The following P3H2 variants were observed in gnomAD, a reference collection of about 807,000 sequenced individuals.
The protein encoded by P3H2 is prolyl 3-hydroxylase 2.
Under a neutral mutation model 87.0 loss-of-function variants are expected in P3H2, and 80 were observed. The observed-to-expected ratio is 0.92, with a 90% CI of 0.77 to 1.11. The LOEUF (loss-of-function observed/expected upper bound fraction) is 1.11. Ranked by LOEUF, P3H2 falls within the 50% of genes least tolerant of loss-of-function variation. P3H2 has a pLI of 0.00. For missense variants in P3H2, 1,001 were observed against 923.9 expected (o/e 1.08, Z -1.08); for synonymous variants, 367 against 359.3 (o/e 1.02, Z -0.24).
At chr3:190,109,981 T>G (rs990893674) in intron 1 of P3H2, among the ~76,000 whole-genome samples, 8 of 148,800 alleles carry the variant, frequency 5.4e-5, no homozygotes, top group Non-Finnish European at 1.0e-4. Flanking sequence ...CCCTAGTAGC[T>G]GGGATTACAG....
At chr3:190,025,822 G>A (rs923543715) in intron 1 of P3H2, among the ~76,000 whole-genome samples, 13 of 152,030 alleles carry the variant, frequency 8.6e-5, no homozygotes, top group African/African-American at 3.1e-4. Flanking sequence ...CATAAGAATG[G>A]AAATTATCTG....
intron 1 of P3H2, among the ~76,000 whole-genome samples, chr3:190,032,499 G>C (rs1245850342): frequency 6.6e-6 from 1 of 152,144 alleles, no homozygotes; most frequent in Non-Finnish European, 1.5e-5. Flanking sequence ...GGATGAGAAA[G>C]AGGAAAAGGA....
chr3:190,041,037 TACACACACACACACACACACACAC>T (rs1202716732), intron 1 of P3H2, among the ~76,000 whole-genome samples: 1 of 49,340 alleles, frequency 2.0e-5, no homozygotes, highest in African/African-American at 5.8e-5. Context: ...TATATATATA[TACACACACACACACACACACACAC>T]ACACACACAC....
intron 13 of P3H2, among the ~76,000 whole-genome samples, chr3:189,964,307 A>G (rs1722908912): frequency 6.6e-6 from 1 of 152,256 alleles, no homozygotes; most frequent in South Asian, 2.1e-4. Flanking sequence ...GAAAATAAAA[A>G]GATGTTCAAG....
chr3:190,039,280 A>T (rs1431123039), intron 1 of P3H2, among the ~76,000 whole-genome samples: 1 of 152,164 alleles, frequency 6.6e-6, no homozygotes, highest in Non-Finnish European at 1.5e-5. Flanking sequence ...TAGTAACAGA[A>T]TCCCCCAAAC....
At chr3:190,036,012 C>T (rs1467080148) in intron 1 of P3H2, among the ~76,000 whole-genome samples, 1 of 152,078 alleles carries the variant, frequency 6.6e-6, no homozygotes, top group Non-Finnish European at 1.5e-5. Context: ...TATTTCTGAC[C>T]AGTTATTTTA....
chr3:189,996,434 C>T (rs1294172829), intron 1 of P3H2, among the ~76,000 whole-genome samples: 6 of 151,974 alleles, frequency 3.9e-5, no homozygotes, highest in Admixed American at 1.3e-4. Flanking sequence ...TAGAGTGGAA[C>T]GGTGATTGCC....
Position 189,974,571 on chromosome 3 carries a change from T to C in P3H2, c.1439A>G (p.His480Arg). The C allele has an allele frequency of 6.2e-7, 1 of 1,613,886 alleles. No individual in the cohort carries two copies. Residue 480 changes from histidine (H) to arginine (R), a missense_variant, in exon 9 of 15, where the codon CAC (histidine) becomes CGC (arginine). His to Arg is a conservative substitution (Grantham distance 29). Coordinates refer to ENST00000319332, the MANE Select transcript of P3H2 (RefSeq NM_018192.4). ...CCGGATCCTCACACTGGCCACGCTGTGGAGCTCCCGGCACTGTTCTTCCGA... is the reference window on the plus strand; with the variant it reads ...CCGGATCCTCACACTGGCCACGCTGCGGAGCTCCCGGCACTGTTCTTCCGA... ...VLSEEQCRELHSVASGIMLVG... is the reference protein window; with the variant it reads ...VLSEEQCRELRSVASGIMLVG...
In P3H2 at chr3:190,041,020, C is replaced by CTATATATATATATATATATA. The variant is rs71635315; in HGVS notation, c.481-45579_481-45578insTATATATATATATATATATA. 8.0e-4 allele frequency among the ~76,000 whole-genome samples: 42 copies of CTATATATATATATATATATA among 52,652 alleles called. 1 individual carries two copies. Among genetic ancestry groups the CTATATATATATATATATATA allele is most frequent in the Non-Finnish European group, 1.5e-3 (36 of 24,290 alleles). The allele number at this position is 52,652 out of a possible 152,430, so 34.5% of individuals were successfully genotyped here. The stretch of plus-strand genomic sequence containing the variant: ...GCAACATGGCAAAACCATGGCTCTA[C>CTATATATATATATATATATA]TATATATATATATATATACACACAC... On this transcript the variant is annotated intron_variant, in intron 1 of 14. Transcript: ENST00000319332.
intron 14 of P3H2, 177 bp downstream of exon 14, chr3:189,963,781 T>G: frequency 1.4e-6 from 1 of 694,762 alleles, no homozygotes. Context: ...GATTAGTGAC[T>G]ATCAAATATC....
chr3:190,032,345 C>T (rs1178334762), intron 1 of P3H2, among the ~76,000 whole-genome samples: 1 of 152,028 alleles, frequency 6.6e-6, no homozygotes, highest in East Asian at 1.9e-4. Context: ...GCCTTAGGAG[C>T]CTGAATATTT....
At chr3:189,987,747 T>C in intron 4 of P3H2, 78 bp from the exon 5 acceptor site, 9 of 1,554,766 alleles carry the variant, frequency 5.8e-6, no homozygotes, top group Admixed American at 1.7e-5. Context: ...CATCAACGTG[T>C]CTACAAAGGT....
chr3:190,000,681 A>C (rs1010593085), intron 1 of P3H2, among the ~76,000 whole-genome samples: 2 of 152,218 alleles, frequency 1.3e-5, no homozygotes, highest in African/African-American at 2.4e-5. Flanking sequence ...CAGGCCAAAG[A>C]AAGTCAAGTG....
In P3H2 at chr3:190,018,177, T is replaced by G. The variant is rs184314381; in HGVS notation, c.481-22735A>C. On this transcript the variant is annotated intron_variant, in intron 1 of 14. Coordinates refer to ENST00000319332, the MANE Select transcript of P3H2 (RefSeq NM_018192.4). Reference sequence around the variant, plus strand: ...CTATTTTAACATCGATTTTAACTTATTTCACCCATCATTGTGGTCTACCTT... The same window carrying G: ...CTATTTTAACATCGATTTTAACTTAGTTCACCCATCATTGTGGTCTACCTT... Among the ~76,000 whole-genome samples, 401 of 152,290 alleles carry G rather than the reference T, an allele frequency of 2.6e-3. 2 individuals are homozygous for G. Among genetic ancestry groups the G allele is most frequent in the South Asian group, 0.015 (71 of 4,820 alleles).
chr3:190,035,754 G>C (rs993413981), intron 1 of P3H2, among the ~76,000 whole-genome samples: 7 of 152,250 alleles, frequency 4.6e-5, no homozygotes, highest in Admixed American at 3.9e-4. Context: ...AAAGGCAAAA[G>C]GCTAAATACC....
At position 190,120,796 on chromosome 3, in the gene P3H2, G is replaced by T; in HGVS notation, c.-65C>A. 7.4e-6 allele frequency: 11 copies of T among 1,496,184 alleles called. No homozygotes were observed. Among genetic ancestry groups the T allele is most frequent in the East Asian group, 2.7e-5 (1 of 36,814 alleles). 92.7% of individuals were successfully genotyped at this position (1,496,184 alleles called of 1,614,324 possible). ...GGGCTTCGGGGCACCTCGCGTCCGGGTCCCCTCTCCCACCTTCCCTCGGGG... is the reference window on the plus strand; with the variant it reads ...GGGCTTCGGGGCACCTCGCGTCCGGTTCCCCTCTCCCACCTTCCCTCGGGG... On this transcript the variant is annotated 5_prime_UTR_variant, in exon 1 of 15. Transcript: ENST00000319332.
chr3:190,059,802 T>G (rs1726279126), intron 1 of P3H2, among the ~76,000 whole-genome samples: 2 of 152,180 alleles, frequency 1.3e-5, no homozygotes, highest in African/African-American at 4.8e-5. Context: ...CTCTCCACAG[T>G]GTCTTCTTGT....
At chr3:190,095,271 G>A (rs1727532834) in intron 1 of P3H2, among the ~76,000 whole-genome samples, 1 of 127,590 alleles carries the variant, frequency 7.8e-6, no homozygotes, top group African/African-American at 3.0e-5. Flanking sequence ...ACTTGAAGCT[G>A]ACTCATGTCT....
At chr3:190,082,994 T>C (rs1357070004) in intron 1 of P3H2, among the ~76,000 whole-genome samples, 1 of 152,220 alleles carries the variant, frequency 6.6e-6, no homozygotes, top group Non-Finnish European at 1.5e-5. Flanking sequence ...TGAATAAATA[T>C]GTACACATAA....
Sources: allele counts gnomAD v4.1 joint callset (sites outside exome capture counted in the v4.1 genomes callset), GRCh38; gene constraint gnomAD v4.1.1; transcripts MANE v1.5; gene names NCBI Gene and HGNC (gene_info 2026-07-23, HGNC 2026-07-21).